Variants in ERBB4 observed in about 807,000 individuals in gnomAD.
The protein encoded by ERBB4 is erb-b2 receptor tyrosine kinase 4.
Under a neutral mutation model 158.0 loss-of-function variants are expected in ERBB4, and 42 were observed. The observed-to-expected ratio is 0.27, with a 90% CI of 0.21 to 0.34. The LOEUF (loss-of-function observed/expected upper bound fraction) is 0.34, where lower values mean the gene tolerates loss of function less well. Among genes scored for constraint, ERBB4 ranks in the 10% least tolerant of loss-of-function variants. The pLI, the probability that ERBB4 is intolerant of heterozygous loss-of-function variation, is 1.00. For synonymous variants in ERBB4, 583 were observed against 558.7 expected (o/e 1.04, Z -0.61); for missense variants, 1,333 against 1,624.1 (o/e 0.82, Z 3.08).
intron 12 of ERBB4, among the ~76,000 whole-genome samples, chr2:211,691,177 T>G (rs749837186): frequency 1.3e-5 from 2 of 152,210 alleles, no homozygotes; most frequent in Non-Finnish European, 2.9e-5. Context: ...TAAGGTTTTG[T>G]GATTAGACAT....
At chr2:211,662,745 C>A (rs1367463056) in intron 15 of ERBB4, among the ~76,000 whole-genome samples, 3 of 152,084 alleles carry the variant, frequency 2.0e-5, no homozygotes, top group Non-Finnish European at 2.9e-5. Context: ...ATTTAATGTA[C>A]TTTTAGAGTA....
intron 1 of ERBB4, among the ~76,000 whole-genome samples, chr2:212,189,095 G>T (rs941680363): frequency 3.6e-4 from 50 of 137,960 alleles, no homozygotes; most frequent in African/African-American, 1.3e-3. Flanking sequence ...GGGGGGGGGT[G>T]ATTTTTGAAT....
At chr2:211,665,589 A>C in intron 14 of ERBB4, 112 bp from the exon 15 acceptor site, 1 of 986,276 alleles carries the variant, frequency 1.0e-6, no homozygotes, top group Non-Finnish European at 1.6e-6. Context: ...ATCTTCCTCT[A>C]AGAGAATTGG....
At chr2:212,311,303 T>C (rs1327499734) in intron 1 of ERBB4, among the ~76,000 whole-genome samples, 1 of 150,198 alleles carries the variant, frequency 6.7e-6, no homozygotes, top group Admixed American at 6.7e-5. Context: ...AAAAATAATA[T>C]AGAATGAGAT....
At chr2:211,921,594 G>A (rs182077552) in intron 3 of ERBB4, among the ~76,000 whole-genome samples, 6 of 152,160 alleles carry the variant, frequency 3.9e-5, no homozygotes, top group Admixed American at 1.3e-4. Context: ...CTAGAGAGAA[G>A]AACTGAAAGA....
intron 20 of ERBB4, among the ~76,000 whole-genome samples, chr2:211,469,910 T>TG (rs886924987): frequency 2.5e-4 from 38 of 151,614 alleles, no homozygotes; most frequent in Middle Eastern, 3.4e-3. Flanking sequence ...TAAGTGGGCT[T>TG]GGGGGGGGAG....
At chr2:212,414,409 G>C (rs931107781) in intron 1 of ERBB4, among the ~76,000 whole-genome samples, 6 of 152,150 alleles carry the variant, frequency 3.9e-5, no homozygotes, top group Admixed American at 6.5e-5. Flanking sequence ...AGTCGGAAGA[G>C]GTGTCTTGCG....
intron 2 of ERBB4, among the ~76,000 whole-genome samples, chr2:212,119,757 T>A (rs972899551): frequency 6.6e-6 from 1 of 152,138 alleles, no homozygotes; most frequent in African/African-American, 2.4e-5. Context: ...AAAGCTGGCA[T>A]GAAAGGTGTT....
intron 2 of ERBB4, among the ~76,000 whole-genome samples, chr2:212,077,350 TAG>T (rs1463341129): frequency 1.3e-5 from 2 of 152,112 alleles, no homozygotes; most frequent in Admixed American, 1.3e-4. Flanking sequence ...TTAGTCATGT[TAG>T]ACAAAATCTG....
In ERBB4 at chr2:211,899,258, T is replaced by A. The variant is rs1575341909; in HGVS notation, c.421+48172A>T. On this transcript the variant is annotated intron_variant, in intron 3 of 27. Transcript: ENST00000342788. ...CTTCACATTTCATCTGATGTACTTG[T>A]TGAAATGACTATAGAATTCATGGTT... Among the ~76,000 whole-genome samples the A allele has an allele frequency of 2.0e-5, 3 of 152,142 alleles. No homozygotes were observed. The East Asian group carries it at 5.8e-4, about 29-fold the overall frequency.
intron 1 of ERBB4, among the ~76,000 whole-genome samples, chr2:212,179,684 G>A (rs1368075542): frequency 6.6e-6 from 1 of 151,526 alleles, no homozygotes; most frequent in African/African-American, 2.4e-5. Flanking sequence ...TAATATGAAT[G>A]TAACTGTGGA....
intron 1 of ERBB4, among the ~76,000 whole-genome samples, chr2:212,207,027 T>C (rs1186856661): frequency 6.6e-6 from 1 of 152,182 alleles, no homozygotes; most frequent in Non-Finnish European, 1.5e-5. Context: ...TGATGAGTTT[T>C]TTGTAAGCAC....
chr2:212,188,235 C>CTCT lies in ERBB4; in HGVS notation c.83-63333_83-63332insAGA, dbSNP rs1559691606. On this transcript the variant is annotated intron_variant, in intron 1 of 27. Transcript: ENST00000342788. ...CTCTCTCTCTCTCTCTCTCTCTCTC[C>CTCT]CCCCCCCTCTCACCCCCTCCCTCCC... 4.9e-3 allele frequency among the ~76,000 whole-genome samples: 42 copies of CTCT among 8,604 alleles called. 7 individuals are homozygous for CTCT. The highest frequency in any genetic ancestry group is 0.012 in the African/African-American group (37 of 3,130). The allele number at this position is 8,604 out of a possible 152,430, so 5.6% of individuals were successfully genotyped here. A position where few individuals can be genotyped will look rare whatever the true frequency, so the allele number is the denominator to read the frequency against.
At chr2:211,516,488 C>G (rs2125628973) in intron 20 of ERBB4, among the ~76,000 whole-genome samples, 1 of 152,060 alleles carries the variant, frequency 6.6e-6, no homozygotes, top group Non-Finnish European at 1.5e-5. Flanking sequence ...CGTGCGCCAC[C>G]ATGACTGTCT....
chr2:211,579,107 A>G (rs2067978523), intron 19 of ERBB4, among the ~76,000 whole-genome samples: 1 of 152,210 alleles, frequency 6.6e-6, no homozygotes. Context: ...TTTACAAGAA[A>G]AAAACAAACA....
At chr2:212,091,911 T>C (rs972756811) in intron 2 of ERBB4, among the ~76,000 whole-genome samples, 2 of 152,144 alleles carry the variant, frequency 1.3e-5, no homozygotes, top group Non-Finnish European at 2.9e-5. Flanking sequence ...CTCCAGACAG[T>C]GTTCCCACTC....
chr2:211,899,493 A>G (rs1427438213), intron 3 of ERBB4, among the ~76,000 whole-genome samples: 4 of 152,098 alleles, frequency 2.6e-5, no homozygotes, highest in Admixed American at 2.0e-4. Flanking sequence ...TTACCCCTAA[A>G]CAGAAATTAC....
chr2:212,394,203 C>G (rs2090958599), intron 1 of ERBB4, among the ~76,000 whole-genome samples: 1 of 151,978 alleles, frequency 6.6e-6, no homozygotes, highest in Admixed American at 6.6e-5. Flanking sequence ...GAAAGGACTT[C>G]CCTGAGGAAA....
intron 21 of ERBB4, among the ~76,000 whole-genome samples, chr2:211,430,186 G>T (rs1049581304): frequency 2.0e-5 from 3 of 151,128 alleles, no homozygotes; most frequent in African/African-American, 7.3e-5. Context: ...GAATAACTGG[G>T]TTTTTTTTTG....
Sources: allele counts gnomAD v4.1 joint callset (sites outside exome capture counted in the v4.1 genomes callset), GRCh38; gene constraint gnomAD v4.1.1; transcripts MANE v1.5; gene names NCBI Gene and HGNC (gene_info 2026-07-23, HGNC 2026-07-21).